The following CCT5 variants were observed in gnomAD, a reference collection of about 807,000 sequenced individuals.
CCT5 encodes chaperonin containing TCP1 subunit 5, also known as T-complex protein 1 subunit epsilon.
Under a neutral mutation model 55.0 loss-of-function variants are expected in CCT5, and 6 were observed. That is an observed-to-expected ratio of 0.11 (90% confidence interval 0.06 to 0.22). The LOEUF (loss-of-function observed/expected upper bound fraction) is 0.22, where lower values mean the gene tolerates loss of function less well. Ranked by LOEUF, CCT5 falls within the 10% of genes least tolerant of loss-of-function variation. CCT5 has a pLI of 1.00. For synonymous variants in CCT5, 231 were observed against 243.7 expected (o/e 0.95, Z 0.49); for missense variants, 560 against 694.6 (o/e 0.81, Z 2.18).
chr5:10,261,318 A>G, intron 7 of CCT5: 2 of 549,300 alleles, frequency 3.6e-6, no homozygotes, highest in Admixed American at 3.1e-5. Flanking sequence ...GTATGAGCTT[A>G]GGGGACGGGC....
At position 10,250,361 on chromosome 5, in the gene CCT5, C is replaced by T. The variant is rs1272298895; in HGVS notation, c.21C>T (p.Leu7=). ...GCACCATGGCGTCCATGGGGACCCT[C>T]GCCTTCGATGAATATGGGCGCCCTT... MASMGT[L]AFDEYGRPFL... The change falls in exon 1 of 11, where the codon CTC becomes CTT. Residue 7 remains leucine (L), a synonymous_variant. Transcript: ENST00000280326. The T allele has an allele frequency of 5.6e-6, 9 of 1,614,016 alleles. No homozygotes were observed. The highest frequency in any genetic ancestry group is 7.6e-6 in the Non-Finnish European group (9 of 1,180,038).
At position 10,261,555 on chromosome 5, in the gene CCT5, A is replaced by C. The variant is rs746173214; in HGVS notation, c.994-5A>C. The C allele has an allele frequency of 1.2e-5, 19 of 1,613,734 alleles. No individual in the cohort carries two copies. The East Asian group carries it at 4.0e-4, about 34-fold the overall frequency. ...TTCATCCTTCTCCCTGACCACCCCA[A>C]TTAGCTGATTGCCATCGCAACAGGA... On this transcript the variant is annotated splice_region_variant and splice_polypyrimidine_tract_variant and intron_variant, in intron 7 of 10. Coordinates refer to ENST00000280326, the MANE Select transcript of CCT5 (RefSeq NM_012073.5).
At chr5:10,252,981 A>T (rs1445956331) in intron 1 of CCT5, among the ~76,000 whole-genome samples, 5 of 152,072 alleles carry the variant, frequency 3.3e-5, no homozygotes, top group African/African-American at 1.2e-4. Context: ...GTGAAAAAAA[A>T]AACAGGTAAC....
chr5:10,260,764 A>T, intron 6 of CCT5, 28 bp from the exon 7 acceptor site: 10 of 1,611,792 alleles, frequency 6.2e-6, no homozygotes, highest in Non-Finnish European at 8.5e-6. Flanking sequence ...ACTTTCTCTT[A>T]ATACGATTGT....
At chr5:10,254,978 A>G in intron 3 of CCT5, 140 bp downstream of exon 3, 1 of 649,764 alleles carries the variant, frequency 1.5e-6, no homozygotes. Context: ...GCTACAAAAC[A>G]AATGTCGGAC....
intron 10 of CCT5, among the ~76,000 whole-genome samples, chr5:10,264,114 A>T (rs1011356687): frequency 4.4e-5 from 1 of 22,850 alleles, no homozygotes; most frequent in Non-Finnish European, 8.3e-5. Flanking sequence ...CTCTACAAAA[A>T]ATACAAAATT....
intron 7 of CCT5, 142 bp downstream of exon 7, chr5:10,261,053 C>G: frequency 1.2e-6 from 1 of 857,340 alleles, no homozygotes; most frequent in Non-Finnish European, 2.0e-6. Context: ...GAGAGGAAAG[C>G]GCTGGAATCT....
chr5:10,266,339 C>T lies in CCT5; in HGVS notation c.*1556C>T, dbSNP rs989391553. Reference sequence around the variant, plus strand: ...AACAGGAAGACTTAGAGATGTTTCACAAGCCTTTGATTTTTGTTTCATTTA... The same window carrying T: ...AACAGGAAGACTTAGAGATGTTTCATAAGCCTTTGATTTTTGTTTCATTTA... On this transcript the variant is annotated 3_prime_UTR_variant, in exon 11 of 11. Coordinates refer to ENST00000280326, the MANE Select transcript of CCT5 (RefSeq NM_012073.5). 5 of 152,198 alleles carry T rather than the reference C, an allele frequency of 3.3e-5. No individual in the cohort carries two copies. Among genetic ancestry groups the T allele is most frequent in the African/African-American group, 1.2e-4 (5 of 41,452 alleles). 9.4% of individuals were successfully genotyped at this position (152,198 alleles called of 1,614,324 possible). A position where few individuals can be genotyped will look rare whatever the true frequency, so the allele number is the denominator to read the frequency against.
chr5:10,254,256 C>A (rs1745566184), intron 2 of CCT5, 51 bp downstream of exon 2: 2 of 1,262,414 alleles, frequency 1.6e-6, no homozygotes, highest in Non-Finnish European at 2.3e-6. Flanking sequence ...AATTATAAAA[C>A]TGTCAATATA....
At chr5:10,251,472 A>G (rs187631836) in intron 1 of CCT5, among the ~76,000 whole-genome samples, 10 of 152,276 alleles carry the variant, frequency 6.6e-5, no homozygotes, top group African/African-American at 2.2e-4. Context: ...GGTTTGTTAT[A>G]AAGTGAATTC....
intron 3 of CCT5, 149 bp downstream of exon 3, chr5:10,254,987 A>G: frequency 3.3e-6 from 2 of 608,698 alleles, no homozygotes; most frequent in Non-Finnish European, 5.9e-6. Flanking sequence ...CAAATGTCGG[A>G]CTTTCAAAAC....
At chr5:10,262,681 C>G (rs1746025949) in intron 9 of CCT5, 63 bp downstream of exon 9, 2 of 1,577,360 alleles carry the variant, frequency 1.3e-6, no homozygotes, top group Non-Finnish European at 1.7e-6. Context: ...GACTGTGAAG[C>G]TGCGGAACAG....
chr5:10,265,897 A>G lies in CCT5; in HGVS notation c.*1114A>G, dbSNP rs1746208756. ...GCCACCTTAACTAGTCAGATTTCCT[A>G]GAATTAGGAAATGGTGACTCTTGTC... is the stretch of plus-strand genomic sequence containing the variant. On this transcript the variant is annotated 3_prime_UTR_variant, in exon 11 of 11. Transcript: ENST00000280326. The G allele has an allele frequency of 6.6e-6, 1 of 152,192 alleles. No homozygotes were observed. The highest frequency in any genetic ancestry group is 1.5e-5 in the Non-Finnish European group (1 of 68,032). The allele number at this position is 152,192 out of a possible 1,614,324, so 9.4% of individuals were successfully genotyped here. A position where few individuals can be genotyped will look rare whatever the true frequency, so the allele number is the denominator to read the frequency against.
chr5:10,258,554 C>G lies in CCT5; in HGVS notation c.873+19C>G. 1.9e-6 allele frequency: 3 copies of G among 1,607,852 alleles called. No homozygotes were observed. The South Asian group carries it at 3.3e-5, about 18-fold the overall frequency. On this transcript the variant is annotated intron_variant, in intron 6 of 10. Coordinates refer to ENST00000280326, the MANE Select transcript of CCT5 (RefSeq NM_012073.5). ...TCAACAAGTAAGTCTTACCAGAGTC[C>G]TCAGTGGAATTTAAACTCCCAAAGG... is the stretch of plus-strand genomic sequence containing the variant.
rs150870419 is a variant in CCT5, at chr5:10,260,872, C to T, written c.954C>T (p.Asn318=). The change falls in exon 7 of 11, where the codon AAC becomes AAT. Residue 318 remains asparagine, a synonymous_variant. Transcript: ENST00000280326. ...DEANHLLLQN[N]LPAVRWVGGP... ...CAAATCACTTACTTCTTCAGAACAA[C>T]TTGCCTGCGGTTCGCTGGGTAGGAG... is the stretch of plus-strand genomic sequence containing the variant. The T allele has an allele frequency of 1.4e-4, 222 of 1,614,170 alleles. No homozygotes were observed. In the African/African-American group the frequency reaches 2.7e-3, roughly 20 times the overall value.
In CCT5 at chr5:10,264,647, A is replaced by G. The variant is rs370951161; in HGVS notation, c.1499-9A>G. The G allele has an allele frequency of 1.9e-6, 3 of 1,583,398 alleles. No homozygotes were observed. The highest frequency in any genetic ancestry group is 2.6e-6 in the Non-Finnish European group (3 of 1,152,236). On this transcript the variant is annotated splice_polypyrimidine_tract_variant and intron_variant, in intron 10 of 10. Transcript: ENST00000280326. ...ATTTTAGGATAATCAGTGTCCTTGT[A>G]TTTTTCAGATATGAAGCAACAGCAT...
rs768784172 is a variant in CCT5 at position 10,264,658 on chromosome 5, A to G, written c.1501A>G (p.Met501Val). Residue 501 changes from methionine (M) to valine (V), a missense_variant and splice_region_variant, in exon 11 of 11, where the codon ATG (methionine) becomes GTG (valine). Met to Val is a conservative substitution (Grantham distance 21). This residue lies in a region of CCT5 where 115 missense variants were observed against 105.0 expected (regional missense o/e 1.10). Transcript: ENST00000280326. ...IDCLHKGTNDMKQQHVIETLI... is the reference protein window; with the variant it reads ...IDCLHKGTNDVKQQHVIETLI... ...ATCAGTGTCCTTGTATTTTTCAGAT[A>G]TGAAGCAACAGCATGTCATAGAAAC... 3.1e-6 allele frequency: 5 copies of G among 1,604,814 alleles called. No individual in the cohort carries two copies. Among genetic ancestry groups the G allele is most frequent in the Non-Finnish European group, 4.3e-6 (5 of 1,171,542 alleles).
chr5:10,262,724 C>T (rs1166307921), intron 9 of CCT5, 106 bp downstream of exon 9: 2 of 1,223,882 alleles, frequency 1.6e-6, no homozygotes, highest in Non-Finnish European at 2.4e-6. Flanking sequence ...GCATCGTGAG[C>T]TGTGTGTAGG....
At chr5:10,262,391 G>C in intron 8 of CCT5, 90 bp from the exon 9 acceptor site, 1 of 1,381,806 alleles carries the variant, frequency 7.2e-7, no homozygotes, top group Admixed American at 1.7e-5. Context: ...TTAGAGCACA[G>C]CCTCTCTGTC....
Sources: allele counts gnomAD v4.1 joint callset (sites outside exome capture counted in the v4.1 genomes callset), GRCh38; gene constraint gnomAD v4.1.1; regional missense constraint gnomAD v4.1.1; transcripts MANE v1.5; gene names NCBI Gene and HGNC (gene_info 2026-07-23, HGNC 2026-07-21).